The following CDH23 variants were observed in gnomAD, a reference collection of about 807,000 sequenced individuals.
The protein encoded by CDH23 is cadherin-23.
Under a neutral mutation model 317.1 loss-of-function variants are expected in CDH23, and 189 were observed. The ratio of observed to expected loss-of-function variants is 0.60; its 90% confidence interval spans 0.53 to 0.67. The LOEUF (loss-of-function observed/expected upper bound fraction) is 0.67, where lower values mean the gene tolerates loss of function less well. Among genes scored for constraint, CDH23 ranks in the 30% least tolerant of loss-of-function variants. CDH23 has a pLI of 0.00. For synonymous variants in CDH23, 1,839 were observed against 1,876.8 expected (o/e 0.98, Z 0.52); for missense variants, 4,401 against 4,592.4 (o/e 0.96, Z 1.20).
chr10:71,659,592 C>T (rs574400257), intron 14 of CDH23, among the ~76,000 whole-genome samples: 1 of 152,248 alleles, frequency 6.6e-6, no homozygotes, highest in Non-Finnish European at 1.5e-5. Context: ...ACTTCATGAC[C>T]CAGGACACAT....
chr10:71,648,998 G>A (rs1225044173), intron 14 of CDH23, among the ~76,000 whole-genome samples: 1 of 152,188 alleles, frequency 6.6e-6, no homozygotes, highest in Admixed American at 6.5e-5. Flanking sequence ...GCCACTCTTA[G>A]CGCCTTCATT....
chr10:71,668,108 A>C (rs1446997789), intron 14 of CDH23, among the ~76,000 whole-genome samples: 1 of 152,030 alleles, frequency 6.6e-6, no homozygotes, highest in African/African-American at 2.4e-5. Flanking sequence ...TGGGTATCTG[A>C]GGGTCTAGGC....
intron 16 of CDH23, among the ~76,000 whole-genome samples, chr10:71,678,851 G>C (rs1197958687): frequency 6.6e-6 from 1 of 152,214 alleles, no homozygotes; most frequent in Non-Finnish European, 1.5e-5. Flanking sequence ...GCCAAATACT[G>C]TGTTGGCCTG....
intron 6 of CDH23, among the ~76,000 whole-genome samples, chr10:71,553,484 C>T (rs1024651511): frequency 8.5e-5 from 13 of 152,192 alleles, no homozygotes; most frequent in African/African-American, 3.1e-4. Context: ...CCACACCAGG[C>T]CTACCCCACC....
intron 28 of CDH23, among the ~76,000 whole-genome samples, chr10:71,719,414 G>A (rs906340080): frequency 6.6e-6 from 1 of 152,234 alleles, no homozygotes; most frequent in African/African-American, 2.4e-5. Context: ...TTCCCTTGGA[G>A]TTCCACAGAG....
intron 38 of CDH23, among the ~76,000 whole-genome samples, chr10:71,755,824 G>C (rs900252056): frequency 2.6e-5 from 4 of 152,184 alleles, no homozygotes; most frequent in Admixed American, 2.6e-4. Flanking sequence ...GGCCTTCGCA[G>C]ACCCCATGCC....
In CDH23 at chr10:71,510,211, C is replaced by T. The variant is rs753391366; in HGVS notation, c.275C>T (p.Pro92Leu). Residue 92 changes from proline to leucine, a missense_variant, in exon 4 of 70, where the codon CCA (proline) becomes CTA (leucine). This residue lies in a region of CDH23 where 3,068 missense variants were observed against 3,203.3 expected (regional missense o/e 0.96). Transcript: ENST00000224721. The part of the protein sequence containing the change: ...PDTGVVWLRQ[P>L]LDRETKSEFT... The stretch of plus-strand genomic sequence containing the variant: ...ACTGGCGTGGTGTGGCTCCGGCAGC[C>T]ACTGGACAGAGAGGTATGACTTGCC... The T allele has an allele frequency of 6.2e-7, 1 of 1,613,726 alleles. No homozygotes were observed. The highest frequency in any genetic ancestry group is 8.5e-7 in the Non-Finnish European group (1 of 1,179,856).
At chr10:71,778,399 A>G in intron 40 of CDH23, 91 bp downstream of exon 40, 1 of 1,511,466 alleles carries the variant, frequency 6.6e-7, no homozygotes, top group Non-Finnish European at 9.0e-7. Context: ...GGTTAGGGGA[A>G]GATTGTCTGA....
chr10:71,629,580 G>A (rs960536949), intron 11 of CDH23, among the ~76,000 whole-genome samples: 2 of 152,238 alleles, frequency 1.3e-5, no homozygotes, highest in Non-Finnish European at 2.9e-5. Flanking sequence ...AGGAGGTGCA[G>A]TGGAAGACAC....
At chr10:71,488,627 A>C (rs1852480698) in intron 3 of CDH23, among the ~76,000 whole-genome samples, 1 of 152,254 alleles carries the variant, frequency 6.6e-6, no homozygotes, top group Non-Finnish European at 1.5e-5. Flanking sequence ...TGTTTCTTGC[A>C]AACATGAATT....
chr10:71,646,209 C>T (rs571318482), intron 13 of CDH23, among the ~76,000 whole-genome samples: 1 of 145,350 alleles, frequency 6.9e-6, no homozygotes, highest in South Asian at 2.4e-4. Context: ...TACCAGACTC[C>T]CATCAGGAGC....
chr10:71,437,343 C>T (rs1352085260), intron 1 of CDH23, among the ~76,000 whole-genome samples: 1 of 152,166 alleles, frequency 6.6e-6, no homozygotes, highest in Non-Finnish European at 1.5e-5. Flanking sequence ...GGTGGCATTG[C>T]TTTTGGGGGC....
rs71480588 is a variant in CDH23, at chr10:71,667,348, A to AAGAGAGAGAGAGAG, written c.1450-7752_1450-7751insAGAGAGAGAGAGAG. On this transcript the variant is annotated intron_variant, in intron 14 of 69. Transcript: ENST00000224721. The stretch of plus-strand genomic sequence containing the variant: ...GTAGGGGTGCTGCTTGAGGCAGAGA[A>AAGAGAGAGAGAGAG]AGAGAGAGAGAGTGTGTGTGTGTGT... 8.2e-4 allele frequency among the ~76,000 whole-genome samples: 100 copies of AAGAGAGAGAGAGAG among 122,382 alleles called. 1 individual carries two copies. The highest frequency in any genetic ancestry group is 1.4e-3 in the African/African-American group (46 of 32,796). The allele number at this position is 122,382 out of a possible 152,430, so 80.3% of individuals were successfully genotyped here.
intron 6 of CDH23, among the ~76,000 whole-genome samples, chr10:71,549,933 C>T (rs564838185): frequency 2.6e-5 from 4 of 152,278 alleles, no homozygotes; most frequent in African/African-American, 9.6e-5. Flanking sequence ...CCTTGAAGCA[C>T]AGAGCAGGGT....
At chr10:71,701,927 C>T in intron 22 of CDH23, 95 bp from the exon 23 acceptor site, 1 of 1,360,286 alleles carries the variant, frequency 7.4e-7, no homozygotes, top group Non-Finnish European at 1.0e-6. Context: ...TGTCCCCTCC[C>T]CAGGACCAAC....
rs576011060 is a variant in CDH23, at chr10:71,715,792, G to A, written c.3369+2979G>A. On this transcript the variant is annotated intron_variant, in intron 28 of 69. Transcript: ENST00000224721. The stretch of plus-strand genomic sequence containing the variant: ...TCTTTGGGAAAGGGCGCTGGCCTGG[G>A]CATGCAAGGAGCTTCGGGGGGTGAG... The A allele has an allele frequency of 2.7e-3, 1,935 of 723,386 alleles. 9 individuals are homozygous for A. Among genetic ancestry groups the A allele is most frequent in the Non-Finnish European group, 3.2e-3 (1,517 of 474,746 alleles). 44.8% of individuals were successfully genotyped at this position (723,386 alleles called of 1,614,324 possible).
At chr10:71,403,331 CTTTCTTTCTTTCTTT>C (rs1564557843) in intron 1 of CDH23, among the ~76,000 whole-genome samples, 1,648 of 52,178 alleles carry the variant, frequency 0.032, 215 homozygotes, top group Middle Eastern at 0.051. Context: ...TCCTTCCTTT[CTTTCTTTCTTTCTTT>C]CTTTCTTTCT....
chr10:71,680,829 C>CTTTTTTTTTTTTTTTTTTT (rs1312991062), intron 17 of CDH23, among the ~76,000 whole-genome samples: 10 of 70,130 alleles, frequency 1.4e-4, no homozygotes, highest in African/African-American at 1.8e-4. Context: ...TTTTCTTTTT[C>CTTTTTTTTTTTTTTTTTTT]TTTTTTTTTT....
chr10:71,500,759 G>GTTTTCTTCTC (rs1853248298), intron 3 of CDH23, among the ~76,000 whole-genome samples: 1 of 134,552 alleles, frequency 7.4e-6, no homozygotes, highest in Admixed American at 7.6e-5. Context: ...CTCTGAGCCT[G>GTTTTCTTCTC]TTTTCTTTTC....
Sources: allele counts gnomAD v4.1 joint callset (sites outside exome capture counted in the v4.1 genomes callset), GRCh38; gene constraint gnomAD v4.1.1; regional missense constraint gnomAD v4.1.1; transcripts MANE v1.5; gene names NCBI Gene and HGNC (gene_info 2026-07-23, HGNC 2026-07-21).